The following TBX15 variants were observed in gnomAD, a reference collection of about 807,000 sequenced individuals.
The protein encoded by TBX15 is T-box transcription factor TBX15.
In TBX15, 18 loss-of-function variants were observed where a neutral mutation model predicts 53.9. The observed-to-expected ratio is 0.33, with a 90% CI of 0.23 to 0.49. The LOEUF is 0.49. TBX15 is among the 20% of genes least tolerant of loss of function. The pLI, the probability that TBX15 is intolerant of heterozygous loss-of-function variation, is 0.98. For missense variants in TBX15, 692 were observed against 749.5 expected (o/e 0.92, Z 0.90); for synonymous variants, 295 against 278.0 (o/e 1.06, Z -0.61).
intron 2 of TBX15, among the ~76,000 whole-genome samples, chr1:118,929,744 C>T (rs1163032511): frequency 6.6e-6 from 1 of 152,024 alleles, no homozygotes; most frequent in Non-Finnish European, 1.5e-5. Flanking sequence ...GAACTCAATT[C>T]ACTAAAGCAC....
Position 118,884,825 on chromosome 1 carries a change from T to A in TBX15, c.1716A>T (p.Ser572=). The change falls in exon 8 of 8, where the codon TCA becomes TCT. Residue 572 remains serine (S), a synonymous_variant. Coordinates refer to ENST00000369429, the MANE Select transcript of TBX15 (RefSeq NM_001330677.2). ...MEHSMHMISP[S]PNNQQATNTC... The stretch of plus-strand genomic sequence containing the variant: ...TGTTGGTTGCCTGTTGGTTATTGGG[T>A]GAAGGGCTAATCATGTGCATGCTGT... 1 of 1,614,046 alleles carries A rather than the reference T, an allele frequency of 6.2e-7. No individual in the cohort carries two copies. The highest frequency in any genetic ancestry group is 8.5e-7 in the Non-Finnish European group (1 of 1,179,994).
At chr1:118,893,362 A>G (rs1654240590) in intron 7 of TBX15, among the ~76,000 whole-genome samples, 1 of 58,750 alleles carries the variant, frequency 1.7e-5, no homozygotes, top group African/African-American at 6.3e-5. Flanking sequence ...GGAAGGAAAG[A>G]AAGAAAGAAA....
At chr1:118,956,841 T>C (rs1282813381) in intron 1 of TBX15, among the ~76,000 whole-genome samples, 2 of 151,464 alleles carry the variant, frequency 1.3e-5, no homozygotes, top group African/African-American at 4.9e-5. Flanking sequence ...TGGGCGCCTG[T>C]AGTCCCAGCT....
intron 6 of TBX15, among the ~76,000 whole-genome samples, chr1:118,913,761 G>C (rs1409485046): frequency 6.6e-6 from 1 of 152,074 alleles, no homozygotes; most frequent in Non-Finnish European, 1.5e-5. Flanking sequence ...TGTTTCCTGG[G>C]AATGAGAAAT....
At chr1:118,985,007 A>G (rs927601093) in intron 1 of TBX15, among the ~76,000 whole-genome samples, 3 of 152,198 alleles carry the variant, frequency 2.0e-5, no homozygotes, top group Non-Finnish European at 2.9e-5. Flanking sequence ...AGAGTTGTCT[A>G]AAGATCGCGG....
At chr1:118,916,914 G>T (rs1655247334) in intron 5 of TBX15, among the ~76,000 whole-genome samples, 1 of 151,880 alleles carries the variant, frequency 6.6e-6, no homozygotes, top group African/African-American at 2.4e-5. Context: ...TAAAAATCAA[G>T]AAAAAACAGA....
At chr1:118,887,890 G>A (rs1195151536) in intron 7 of TBX15, among the ~76,000 whole-genome samples, 1 of 152,094 alleles carries the variant, frequency 6.6e-6, no homozygotes. Context: ...TTTGGCTGTT[G>A]TTATTATAAT....
intron 6 of TBX15, among the ~76,000 whole-genome samples, chr1:118,906,107 C>G (rs1654814089): frequency 6.6e-6 from 1 of 152,290 alleles, no homozygotes; most frequent in African/African-American, 2.4e-5. Flanking sequence ...ACCACAGATA[C>G]TCTGTGAAAT....
In TBX15 at chr1:118,923,706, C is replaced by G. The variant is rs1655502813; in HGVS notation, c.694-103G>C. On this transcript the variant is annotated intron_variant, in intron 4 of 7. Coordinates refer to ENST00000369429, the MANE Select transcript of TBX15 (RefSeq NM_001330677.2). ...AAGTTGAAGCACTATAGGAAAAGCA[C>G]AGATTGGAGGTGAGATGTACAGAAA... 3.6e-6 allele frequency: 5 copies of G among 1,380,674 alleles called. No homozygotes were observed. The Admixed American group carries it at 7.0e-5, about 19-fold the overall frequency. 85.5% of individuals were successfully genotyped at this position (1,380,674 alleles called of 1,614,324 possible).
At chr1:118,972,647 G>A (rs1054599936) in intron 1 of TBX15, among the ~76,000 whole-genome samples, 1 of 152,028 alleles carries the variant, frequency 6.6e-6, no homozygotes, top group Admixed American at 6.6e-5. Flanking sequence ...CATCCAGGCT[G>A]GAGTGTAGCG....
chr1:118,884,873 C>T lies in TBX15; in HGVS notation c.1668G>A (p.Gln556=), dbSNP rs2101417950. The change falls in exon 8 of 8, where the codon CAG becomes CAA. Residue 556 remains glutamine (Q), a synonymous_variant. Transcript: ENST00000369429. The part of the protein sequence containing the change: ...SPSNGAFGER[Q]YLPSGMEHSM... ...TGTGCTCCATCCCTGACGGCAGGTA[C>T]TGCCTCTCTCCAAAGGCCCCGTTGG... 1 of 1,614,202 alleles carries T rather than the reference C, an allele frequency of 6.2e-7. No individual in the cohort carries two copies. Among genetic ancestry groups the T allele is most frequent in the East Asian group, 2.2e-5 (1 of 44,878 alleles).
At chr1:118,980,842 T>C (rs1369663744) in intron 1 of TBX15, among the ~76,000 whole-genome samples, 1 of 151,874 alleles carries the variant, frequency 6.6e-6, no homozygotes, top group Non-Finnish European at 1.5e-5. Context: ...TTTTTTTTCC[T>C]TCTTTTTTGA....
chr1:118,979,233 C>A (rs1176634516), intron 1 of TBX15, among the ~76,000 whole-genome samples: 1 of 151,108 alleles, frequency 6.6e-6, no homozygotes, highest in East Asian at 2.0e-4. Flanking sequence ...AGAATTCGTT[C>A]ATTGTTTTTT....
At chr1:118,909,989 G>C (rs1308787997) in intron 6 of TBX15, among the ~76,000 whole-genome samples, 3 of 152,142 alleles carry the variant, frequency 2.0e-5, no homozygotes, top group Admixed American at 6.6e-5. Context: ...TCAGCCAGGG[G>C]GCTACACTCG....
chr1:118,947,776 G>A (rs961740419), intron 1 of TBX15, among the ~76,000 whole-genome samples: 2 of 152,164 alleles, frequency 1.3e-5, no homozygotes, highest in Non-Finnish European at 2.9e-5. Flanking sequence ...GAAGCAAAGT[G>A]GTGAAGTGAG....
intron 6 of TBX15, among the ~76,000 whole-genome samples, chr1:118,906,040 A>T (rs1265038749): frequency 3.3e-5 from 5 of 152,204 alleles, no homozygotes; most frequent in African/African-American, 1.2e-4. Flanking sequence ...TACCATCAGT[A>T]AAATGGGAAA....
At chr1:118,922,982 A>T (rs1008334368) in intron 5 of TBX15, among the ~76,000 whole-genome samples, 2 of 151,958 alleles carry the variant, frequency 1.3e-5, no homozygotes, top group African/African-American at 4.8e-5. Context: ...ATAATCAGTT[A>T]TCCAAAGAAC....
chr1:118,885,382 G>T lies in TBX15; in HGVS notation c.1159C>A (p.Arg387=). The change falls in exon 8 of 8, where the codon CGA becomes AGA. Residue 387 remains arginine (R), a synonymous_variant. Coordinates refer to ENST00000369429, the MANE Select transcript of TBX15 (RefSeq NM_001330677.2). ...LAPNTFNVGC[R]ESQLCNLNLS... ...TTTAGATTACACAGCTGGCTTTCTC[G>T]GCAGCCCACATTGAAAGTGTTGGGG... 6.2e-7 allele frequency: 1 copy of T among 1,613,910 alleles called. No homozygotes were observed.
At chr1:118,948,402 A>G (rs1174227838) in intron 1 of TBX15, among the ~76,000 whole-genome samples, 13 of 152,078 alleles carry the variant, frequency 8.5e-5, no homozygotes. Flanking sequence ...GCTCAATCCA[A>G]TGGCAAAATG....
Sources: gnomAD v4.1 joint callset for allele counts (sites outside exome capture counted in the v4.1 genomes callset) on GRCh38, gnomAD v4.1.1 for gene constraint, MANE v1.5 for transcripts, NCBI Gene and HGNC (gene_info 2026-07-23, HGNC 2026-07-21) for gene names.